Variants in FOXK1 observed in about 807,000 individuals in gnomAD.
FOXK1 encodes forkhead box protein K1.
FOXK1 carries 19 observed loss-of-function variants against 51.9 expected under a neutral mutation model. The observed-to-expected ratio is 0.37, with a 90% CI of 0.26 to 0.54. The LOEUF is 0.54. FOXK1 is among the 20% of genes least tolerant of loss of function. FOXK1 has a pLI of 0.87. For synonymous variants in FOXK1, 537 were observed against 482.6 expected (o/e 1.11, Z -1.48); for missense variants, 870 against 1,032.7 (o/e 0.84, Z 2.16).
rs1780889902 is a variant in FOXK1 at position 4,758,806 on chromosome 7, A to T, written c.1245-245A>T. 2 of 537,904 alleles carry T rather than the reference A, an allele frequency of 3.7e-6. No homozygotes were observed. Among genetic ancestry groups the T allele is most frequent in the Non-Finnish European group, 6.5e-6 (2 of 306,472 alleles). 33.3% of individuals were successfully genotyped at this position (537,904 alleles called of 1,614,324 possible). On this transcript the variant is annotated intron_variant, in intron 5 of 8. Coordinates refer to ENST00000328914, the MANE Select transcript of FOXK1 (RefSeq NM_001037165.2). This position sits in a 1 kb window ranked among gnomAD's most constrained non-coding sequence, Gnocchi z 4.4. Reference sequence around the variant, plus strand: ...CTCCGTAGGTTGTTGCGTTCACTGCAGCACCTCACATGATACCGTCCCCTC... The same window carrying T: ...CTCCGTAGGTTGTTGCGTTCACTGCTGCACCTCACATGATACCGTCCCCTC...
chr7:4,741,544 T>C (rs767363048), intron 2 of FOXK1, among the ~76,000 whole-genome samples: 1 of 152,184 alleles, frequency 6.6e-6, no homozygotes, highest in Non-Finnish European at 1.5e-5. Flanking sequence ...TTGGCCATGC[T>C]GGTCTCGAAC....
At position 4,715,039 on chromosome 7, in the gene FOXK1, T is replaced by C. The variant is rs1024811703; in HGVS notation, c.561-25799T>C. On this transcript the variant is annotated intron_variant, in intron 1 of 8. Coordinates refer to ENST00000328914, the MANE Select transcript of FOXK1 (RefSeq NM_001037165.2). The surrounding 1 kb of genome is among the most constrained non-coding windows in gnomAD (Gnocchi z 4.5). ...ACACCAGCGACAATCAGAGGTTACA[T>C]AGGCTTGGGGCGTAGCTTTTCTGAT... Among the ~76,000 whole-genome samples, 3 of 152,206 alleles carry C rather than the reference T, an allele frequency of 2.0e-5. No homozygotes were observed. Among genetic ancestry groups the C allele is most frequent in the African/African-American group, 7.2e-5 (3 of 41,434 alleles).
At position 4,743,711 on chromosome 7, in the gene FOXK1, G is replaced by C. The variant is rs1780664529; in HGVS notation, c.746+2688G>C. On this transcript the variant is annotated intron_variant, in intron 2 of 8. Coordinates refer to ENST00000328914, the MANE Select transcript of FOXK1 (RefSeq NM_001037165.2). This position sits in a 1 kb window ranked among gnomAD's most constrained non-coding sequence, Gnocchi z 5.3. ...CACGTGCTAGTGGAAGCTCACACCA[G>C]AAGAGGCTGGTCCTGCTGCTTTTGG... Among the ~76,000 whole-genome samples, 1 of 152,220 alleles carries C rather than the reference G, an allele frequency of 6.6e-6. No individual in the cohort carries two copies. The highest frequency in any genetic ancestry group is 1.5e-5 in the Non-Finnish European group (1 of 68,040).
chr7:4,718,580 C>G (rs1780267926), intron 1 of FOXK1, among the ~76,000 whole-genome samples: 1 of 152,182 alleles, frequency 6.6e-6, no homozygotes, highest in South Asian at 2.1e-4. Flanking sequence ...AGGTTTTGAG[C>G]GGACCTAGGT....
rs1019769367 is a variant in FOXK1, at chr7:4,723,475, T to C, written c.561-17363T>C. On this transcript the variant is annotated intron_variant, in intron 1 of 8. Coordinates refer to ENST00000328914, the MANE Select transcript of FOXK1 (RefSeq NM_001037165.2). This position sits in a 1 kb window ranked among gnomAD's most constrained non-coding sequence, Gnocchi z 4.7. ...GGAATAATCTTGCTCAGCTGAATAATGTTGCAGACTAAAAATAGCAAATGC... is the reference window on the plus strand; with the variant it reads ...GGAATAATCTTGCTCAGCTGAATAACGTTGCAGACTAAAAATAGCAAATGC... Among the ~76,000 whole-genome samples, 1 of 151,978 alleles carries C rather than the reference T, an allele frequency of 6.6e-6. No homozygotes were observed. The highest frequency in any genetic ancestry group is 1.9e-4 in the East Asian group (1 of 5,164).
At chr7:4,728,901 A>T (rs886358101) in intron 1 of FOXK1, among the ~76,000 whole-genome samples, 3 of 152,230 alleles carry the variant, frequency 2.0e-5, no homozygotes, top group Admixed American at 6.5e-5. Flanking sequence ...GGTACTTGGT[A>T]TCAGTCAGGT....
rs745976747 is a variant in FOXK1, at chr7:4,766,219, C to T, written c.*3755C>T. Reference sequence around the variant, plus strand: ...ACCTCAACGTTAATCCCTCACCAGTCGGGCCGAGTGTGGCCTCATGGTTCT... The same window carrying T: ...ACCTCAACGTTAATCCCTCACCAGTTGGGCCGAGTGTGGCCTCATGGTTCT... On this transcript the variant is annotated 3_prime_UTR_variant, in exon 9 of 9. Coordinates refer to ENST00000328914, the MANE Select transcript of FOXK1 (RefSeq NM_001037165.2). The surrounding 1 kb of genome is among the most constrained non-coding windows in gnomAD (Gnocchi z 5.5). 9 of 152,204 alleles carry T rather than the reference C, an allele frequency of 5.9e-5. No individual in the cohort carries two copies. The highest frequency in any genetic ancestry group is 2.0e-4 in the Admixed American group (3 of 15,282). 9.4% of individuals were successfully genotyped at this position (152,204 alleles called of 1,614,324 possible). A position where few individuals can be genotyped will look rare whatever the true frequency, so the allele number is the denominator to read the frequency against.
rs1251000728 is a variant in FOXK1, at chr7:4,715,003, A to G, written c.561-25835A>G. Among the ~76,000 whole-genome samples the G allele has an allele frequency of 2.0e-5, 3 of 152,156 alleles. No homozygotes were observed. The highest frequency in any genetic ancestry group is 2.1e-4 in the South Asian group (1 of 4,822). ...TTCTGCATCTTTTTCTTGGTACAGA[A>G]CAGAAGCCACACACCAGCGACAATC... On this transcript the variant is annotated intron_variant, in intron 1 of 8. Transcript: ENST00000328914. This position sits in a 1 kb window ranked among gnomAD's most constrained non-coding sequence, Gnocchi z 4.5.
At position 4,755,066 on chromosome 7, in the gene FOXK1, TC is replaced by T. The variant is rs992309660; in HGVS notation, c.904-169del. The T allele has an allele frequency of 5.3e-6, 4 of 755,532 alleles. No individual in the cohort carries two copies. Among genetic ancestry groups the T allele is most frequent in the Non-Finnish European group, 8.2e-6 (4 of 487,988 alleles). The allele number at this position is 755,532 out of a possible 1,614,324, so 46.8% of individuals were successfully genotyped here. A position where few individuals can be genotyped will look rare whatever the true frequency, so the allele number is the denominator to read the frequency against. On this transcript the variant is annotated intron_variant, in intron 3 of 8. Transcript: ENST00000328914. The surrounding 1 kb of genome is among the most constrained non-coding windows in gnomAD (Gnocchi z 6.6). ...CTTCCCATGAGGCAAAAATGGTTGT[TC>T]CTAGTTGAATGCAAGCACATTAATG...
intron 1 of FOXK1, among the ~76,000 whole-genome samples, chr7:4,699,350 C>T (rs538885052): frequency 6.9e-6 from 1 of 145,564 alleles, no homozygotes; most frequent in Non-Finnish European, 1.5e-5. Flanking sequence ...TGACACGACT[C>T]GTGGGGTCCT....
In FOXK1 at chr7:4,725,977, A is replaced by G. The variant is rs562949508; in HGVS notation, c.561-14861A>G. On this transcript the variant is annotated intron_variant, in intron 1 of 8. Transcript: ENST00000328914. ...AAGCAAGGAAGTGATTTGTCAAGCC[A>G]TTTAGACACTGTCCCTGTTTTCTTT... Among the ~76,000 whole-genome samples the G allele has an allele frequency of 5.3e-5, 8 of 151,304 alleles. No individual in the cohort carries two copies. In the East Asian group the frequency reaches 9.8e-4, roughly 19 times the overall value.
In FOXK1 at chr7:4,745,110, C is replaced by T. The variant is rs947965967; in HGVS notation, c.746+4087C>T. Among the ~76,000 whole-genome samples the T allele has an allele frequency of 1.3e-5, 2 of 152,230 alleles. No individual in the cohort carries two copies. The highest frequency in any genetic ancestry group is 2.9e-5 in the Non-Finnish European group (2 of 68,030). On this transcript the variant is annotated intron_variant, in intron 2 of 8. Transcript: ENST00000328914. This position sits in a 1 kb window ranked among gnomAD's most constrained non-coding sequence, Gnocchi z 4.3. ...TCCCCACTCTCCTCCTCTCTGGCTGCGCTCCCTAACAGATCGGGAGGTGGG... is the reference window on the plus strand; with the variant it reads ...TCCCCACTCTCCTCCTCTCTGGCTGTGCTCCCTAACAGATCGGGAGGTGGG...
Position 4,758,968 on chromosome 7 carries a change from C to T in FOXK1, c.1245-83C>T. 6.9e-7 allele frequency: 1 copy of T among 1,440,540 alleles called. No individual in the cohort carries two copies. Among genetic ancestry groups the T allele is most frequent in the South Asian group, 1.3e-5 (1 of 74,524 alleles). The allele number at this position is 1,440,540 out of a possible 1,614,324, so 89.2% of individuals were successfully genotyped here. On this transcript the variant is annotated intron_variant, in intron 5 of 8. Transcript: ENST00000328914. This position sits in a 1 kb window ranked among gnomAD's most constrained non-coding sequence, Gnocchi z 4.4. ...TCCAGGGAGCGTGGGCGGGTGACGG[C>T]GCTGAGATGCGTGATGTCTCGGAAA...
rs780142381 is a variant in FOXK1, at chr7:4,730,297, C to G, written c.561-10541C>G. 2.0e-5 allele frequency among the ~76,000 whole-genome samples: 3 copies of G among 152,212 alleles called. No individual in the cohort carries two copies. The highest frequency in any genetic ancestry group is 6.5e-5 in the Admixed American group (1 of 15,288). ...ACTGCGAGAACGGAGGGCCCAGAGC[C>G]GAGTACACTCGGCCAGGGTGAGTGA... On this transcript the variant is annotated intron_variant, in intron 1 of 8. Transcript: ENST00000328914. The surrounding 1 kb of genome is among the most constrained non-coding windows in gnomAD (Gnocchi z 4.7).
At chr7:4,721,115 G>GT (rs935013648) in intron 1 of FOXK1, among the ~76,000 whole-genome samples, 1 of 152,134 alleles carries the variant, frequency 6.6e-6, no homozygotes, top group Non-Finnish European at 1.5e-5. Context: ...CACTGTTGCC[G>GT]TAAGTGCTTT....
intron 1 of FOXK1, among the ~76,000 whole-genome samples, chr7:4,737,867 A>G (rs1780576091): frequency 6.6e-6 from 1 of 152,198 alleles, no homozygotes. Context: ...TCACGCCTGT[A>G]ATCCCAGCAT....
At chr7:4,694,113 C>T (rs1484146354) in intron 1 of FOXK1, among the ~76,000 whole-genome samples, 8 of 152,162 alleles carry the variant, frequency 5.3e-5, no homozygotes, top group Admixed American at 5.2e-4. Flanking sequence ...TCTTGAACTC[C>T]TGGGCTCACA....
At chr7:4,746,053 CTG>C (rs1320736777) in intron 2 of FOXK1, among the ~76,000 whole-genome samples, 1 of 152,158 alleles carries the variant, frequency 6.6e-6, no homozygotes, top group Admixed American at 6.5e-5. Flanking sequence ...CACAGAGTGA[CTG>C]TTTTTGCTCA....
intron 7 of FOXK1, 104 bp downstream of exon 7, chr7:4,759,699 G>A (rs895060594): frequency 7.6e-7 from 1 of 1,317,906 alleles, no homozygotes; most frequent in Non-Finnish European, 1.0e-6. Flanking sequence ...GCTTGAGGAG[G>A]ATGATTCTCT....
Sources: gnomAD v4.1 joint callset for allele counts (sites outside exome capture counted in the v4.1 genomes callset) on GRCh38, gnomAD v4.1.1 for gene constraint, Gnocchi (gnomAD v3.1) non-coding constraint, MANE v1.5 for transcripts, NCBI Gene and HGNC (gene_info 2026-07-23, HGNC 2026-07-21) for gene names.